The following CRADD variants were observed in gnomAD, a reference collection of about 807,000 sequenced individuals.
The protein encoded by CRADD is death domain-containing protein CRADD.
In CRADD, 9 loss-of-function variants were observed where a neutral mutation model predicts 15.5. The ratio of observed to expected loss-of-function variants is 0.58; its 90% CI spans 0.35 to 1.01. The LOEUF is 1.01. Ranked by LOEUF, CRADD falls within the 50% of genes least tolerant of loss-of-function variation. The pLI is 0.02. For missense variants in CRADD, 227 were observed against 250.3 expected (o/e 0.91, Z 0.63); for synonymous variants, 118 against 107.6 (o/e 1.10, Z -0.60).
At chr12:93,699,986 G>A (rs7971507) in intron 2 of CRADD, among the ~76,000 whole-genome samples, 4,230 of 152,254 alleles carry the variant, frequency 0.028, 126 homozygotes, top group East Asian at 0.085. Context: ...CGATCTCAGC[G>A]GGGAAGGGAA....
chr12:93,721,460 C>CATAT, intron 2 of CRADD, among the ~76,000 whole-genome samples: 1 of 152,078 alleles, frequency 6.6e-6, no homozygotes, highest in East Asian at 1.9e-4. Flanking sequence ...AACACACACA[C>CATAT]ATATATATAT....
chr12:93,817,773 G>T (rs1288890243), intron 2 of CRADD, among the ~76,000 whole-genome samples: 1 of 152,064 alleles, frequency 6.6e-6, no homozygotes, highest in Non-Finnish European at 1.5e-5. Context: ...GGAAGCTCAG[G>T]CTGGGAATGC....
chr12:93,751,558 A>G (rs1956828635), intron 2 of CRADD, among the ~76,000 whole-genome samples: 2 of 152,198 alleles, frequency 1.3e-5, no homozygotes, highest in African/African-American at 4.8e-5. Flanking sequence ...GGTTTTAAAT[A>G]CTTGACTCTA....
chr12:93,718,274 C>T (rs1355646011), intron 2 of CRADD, among the ~76,000 whole-genome samples: 1 of 152,186 alleles, frequency 6.6e-6, no homozygotes, highest in Non-Finnish European at 1.5e-5. Flanking sequence ...GACATTTTGA[C>T]AGTGTTGAGT....
At chr12:93,721,006 A>T (rs901076733) in intron 2 of CRADD, among the ~76,000 whole-genome samples, 3 of 151,742 alleles carry the variant, frequency 2.0e-5, no homozygotes, top group Non-Finnish European at 4.4e-5. Flanking sequence ...TATCTTCCAC[A>T]CTTTTTTGCC....
At chr12:93,891,716 C>T (rs1783189394) in intron 2 of CRADD, among the ~76,000 whole-genome samples, 1 of 152,166 alleles carries the variant, frequency 6.6e-6, no homozygotes, top group East Asian at 1.9e-4. Flanking sequence ...AACTGAGGCT[C>T]AGAGAGGTTG....
At chr12:93,702,130 C>T (rs180829975) in intron 2 of CRADD, among the ~76,000 whole-genome samples, 3 of 152,292 alleles carry the variant, frequency 2.0e-5, no homozygotes, top group East Asian at 3.9e-4. Flanking sequence ...GCAGCCATCA[C>T]AGAACCTTTA....
intron 2 of CRADD, among the ~76,000 whole-genome samples, chr12:93,740,093 A>G (rs991112192): frequency 7.2e-5 from 11 of 152,214 alleles, no homozygotes; most frequent in Non-Finnish European, 1.3e-4. Context: ...AAAAATATAT[A>G]GAAGTAAAAA....
rs111937133 is a variant in CRADD, at chr12:93,870,724, G to A, written c.299-23326G>A. Among the ~76,000 whole-genome samples, 276 of 152,258 alleles carry A rather than the reference G, an allele frequency of 1.8e-3. 1 individual carries two copies. Among genetic ancestry groups the A allele is most frequent in the South Asian group, 0.013 (63 of 4,824 alleles). On this transcript the variant is annotated intron_variant, in intron 2 of 2. Transcript: ENST00000548483. ...GGACTGCTACTCCTCCTCAAAGCCC[G>A]TTATAGAGTGGGGATGTCACCCCGG...
chr12:93,791,996 G>A (rs372212303), intron 2 of CRADD, among the ~76,000 whole-genome samples: 2 of 149,470 alleles, frequency 1.3e-5, no homozygotes, highest in Non-Finnish European at 3.0e-5. Context: ...TTGTTGATCT[G>A]CCTTAATTTC....
intron 2 of CRADD, among the ~76,000 whole-genome samples, chr12:93,767,989 A>G (rs1034836861): frequency 2.6e-5 from 4 of 152,138 alleles, no homozygotes; most frequent in African/African-American, 4.8e-5. Flanking sequence ...CATTGGAAAC[A>G]CTCTTAAGGC....
chr12:93,881,071 A>C (rs915768669), intron 2 of CRADD, among the ~76,000 whole-genome samples: 1 of 152,218 alleles, frequency 6.6e-6, no homozygotes, highest in African/African-American at 2.4e-5. Context: ...AAGTGCAGAC[A>C]CTATTTGTGT....
chr12:93,894,058 A>C (rs952950595), exon 3 of CRADD: 15 of 702,406 alleles, frequency 2.1e-5, no homozygotes, highest in Middle Eastern at 2.3e-4. Context: ...AGAGATGAGG[A>C]AACTGAGGCC....
chr12:93,843,498 G>C (rs973099309), intron 2 of CRADD, among the ~76,000 whole-genome samples: 3 of 148,352 alleles, frequency 2.0e-5, no homozygotes, highest in African/African-American at 7.5e-5. Flanking sequence ...TCCTGCCTTA[G>C]CCTCCCAAGT....
At chr12:93,842,560 C>A (rs1443935924) in intron 2 of CRADD, among the ~76,000 whole-genome samples, 2 of 152,112 alleles carry the variant, frequency 1.3e-5, no homozygotes, top group African/African-American at 2.4e-5. Flanking sequence ...AAGAGCTGGT[C>A]TCTGCCCATA....
At position 93,886,162 on chromosome 12, in the gene CRADD, C is replaced by CAT. The variant is rs1555231623; in HGVS notation, c.299-7888_299-7887insAT. ...ATGGACATGCCTCTAGCTGCTGATG[C>CAT]TTTTTTTTTTTTTTTTTTTTGAGAC... is the stretch of plus-strand genomic sequence containing the variant. On this transcript the variant is annotated intron_variant, in intron 2 of 2. Transcript: ENST00000548483. 4.6e-4 allele frequency among the ~76,000 whole-genome samples: 57 copies of CAT among 123,940 alleles called. 2 individuals are homozygous for CAT. The highest frequency in any genetic ancestry group is 1.2e-3 in the East Asian group (5 of 4,332). The allele number at this position is 123,940 out of a possible 152,430, so 81.3% of individuals were successfully genotyped here.
chr12:93,788,609 G>A (rs1772948455), intron 2 of CRADD, among the ~76,000 whole-genome samples: 1 of 152,126 alleles, frequency 6.6e-6, no homozygotes, highest in African/African-American at 2.4e-5. Flanking sequence ...GAATGTTCTT[G>A]ATTTTAAAGG....
At chr12:93,830,583 T>C (rs1957883814) in intron 2 of CRADD, among the ~76,000 whole-genome samples, 1 of 152,244 alleles carries the variant, frequency 6.6e-6, no homozygotes, top group Admixed American at 6.5e-5. Flanking sequence ...AGAATATTTA[T>C]TAAGGATAAG....
intron 2 of CRADD, among the ~76,000 whole-genome samples, chr12:93,881,009 T>C (rs80001079): frequency 1.3e-5 from 2 of 152,228 alleles, no homozygotes; most frequent in Non-Finnish European, 2.9e-5. Flanking sequence ...TAGCAATTCC[T>C]TTTTTGAAGC....
Sources: allele counts gnomAD v4.1 joint callset (sites outside exome capture counted in the v4.1 genomes callset), GRCh38; gene constraint gnomAD v4.1.1; transcripts MANE v1.5; gene names NCBI Gene and HGNC (gene_info 2026-07-23, HGNC 2026-07-21).